Variants in ZNF479 observed in about 807,000 individuals in gnomAD.
The protein encoded by ZNF479 is zinc finger protein 479.
Under a neutral mutation model 14.7 loss-of-function variants are expected in ZNF479, and 15 were observed. The observed-to-expected ratio is 1.02, with a 90% confidence interval of 0.68 to 1.57. ZNF479 has a LOEUF of 1.57. Ranked by LOEUF, ZNF479 falls within the 40% of genes most tolerant of loss-of-function variation. The pLI, the probability that ZNF479 is intolerant of heterozygous loss-of-function variation, is 0.00. For synonymous variants in ZNF479, 145 were observed against 211.5 expected, an observed-to-expected ratio of 0.69 and a Z score of 2.73; for missense variants, 506 against 615.1, an observed-to-expected ratio of 0.82 and a Z score of 1.88.
chr7:57,138,214 C>T (rs1316124981), intron 1 of ZNF479, among the ~76,000 whole-genome samples: 1 of 152,160 alleles, frequency 6.6e-6, no homozygotes, highest in African/African-American at 2.4e-5. Flanking sequence ...TGAACCCAGC[C>T]AGTAGAAGAC....
At chr7:57,128,608 T>C (rs1786285008) in intron 1 of ZNF479, among the ~76,000 whole-genome samples, 1 of 152,240 alleles carries the variant, frequency 6.6e-6, no homozygotes, top group African/African-American at 2.4e-5. Context: ...ATAAATTTGT[T>C]CTAAGAATTC....
Position 57,119,860 on chromosome 7 carries a change from T to C in ZNF479, c.1555A>G (p.Lys519Glu), listed in dbSNP as rs782465411. 1.2e-6 allele frequency: 2 copies of C among 1,613,244 alleles called. No homozygotes were observed. Among genetic ancestry groups the C allele is most frequent in the South Asian group, 2.2e-5 (2 of 91,054 alleles). ...CCATATTATTCACATTTGTAGGGTT[T>C]CTCTCCAGTGTGAATTATCTTATGT... is the stretch of plus-strand genomic sequence containing the variant. ...AKHKIIHTGE[K>E]PYKCE The change falls in exon 4 of 4, where the codon AAA becomes GAA. Residue 519 changes from lysine (K) to glutamate (E), a missense_variant. By Grantham distance (56) the Lys-to-Glu change is moderately conservative (BLOSUM62 1). This residue lies in a region of ZNF479 where 72 missense variants were observed against 97.6 expected (regional missense o/e 0.74). Transcript: ENST00000319636.
At chr7:57,125,106 A>G (rs1229277730) in intron 3 of ZNF479, among the ~76,000 whole-genome samples, 1 of 152,224 alleles carries the variant, frequency 6.6e-6, no homozygotes, top group Non-Finnish European at 1.5e-5. Flanking sequence ...ATTAAACTAA[A>G]TTTTAATAAA....
chr7:57,135,683 G>C (rs990105393), upstream of ZNF479, among the ~76,000 whole-genome samples: 7 of 152,180 alleles, frequency 4.6e-5, no homozygotes, highest in African/African-American at 1.7e-4. Flanking sequence ...AAAGTGCTGG[G>C]ATTACAGGCA....
intron 1 of ZNF479, among the ~76,000 whole-genome samples, chr7:57,138,592 C>A (rs1223946762): frequency 1.3e-5 from 2 of 152,196 alleles, no homozygotes; most frequent in Non-Finnish European, 2.9e-5. Context: ...CGGACCCAGC[C>A]AGTAGGAGAG....
intron 1 of ZNF479, among the ~76,000 whole-genome samples, chr7:57,139,100 A>T (rs1317691059): frequency 2.0e-5 from 3 of 152,080 alleles, no homozygotes; most frequent in Non-Finnish European, 4.4e-5. Flanking sequence ...GCCATATAAA[A>T]CCCTCAGGTG....
intron 1 of ZNF479, among the ~76,000 whole-genome samples, chr7:57,138,583 G>A (rs62464828): frequency 0.28 from 41,920 of 151,950 alleles, 6,896 homozygotes; most frequent in East Asian, 0.53. Context: ...TCTTATACCC[G>A]GACCCAGCCA....
At chr7:57,132,448 T>C (rs1786477189), upstream of ZNF479, 3 of 1,455,296 alleles carry the variant, frequency 2.1e-6, no homozygotes, top group Non-Finnish European at 2.9e-6. Context: ...ACCCGCAAAA[T>C]TACGGAAGTA....
At chr7:57,129,970 A>C (rs1180404470) in intron 1 of ZNF479, among the ~76,000 whole-genome samples, 1 of 152,176 alleles carries the variant, frequency 6.6e-6, no homozygotes, top group East Asian at 1.9e-4. Flanking sequence ...CCAGAATCTC[A>C]GGGTTAGAGC....
upstream of ZNF479, among the ~76,000 whole-genome samples, chr7:57,134,320 C>G (rs1786550102): frequency 6.6e-6 from 1 of 152,150 alleles, no homozygotes; most frequent in South Asian, 2.1e-4. Flanking sequence ...TGATTGTCCT[C>G]AGGAATCATT....
chr7:57,133,815 G>A (rs1041674853), upstream of ZNF479, among the ~76,000 whole-genome samples: 8 of 151,774 alleles, frequency 5.3e-5, no homozygotes, highest in African/African-American at 9.7e-5. Flanking sequence ...GCAGTGACCC[G>A]AGATCACACC....
At chr7:57,131,759 T>C (rs1786434937) in intron 1 of ZNF479, among the ~76,000 whole-genome samples, 1 of 152,150 alleles carries the variant, frequency 6.6e-6, no homozygotes, top group Non-Finnish European at 1.5e-5. Flanking sequence ...GTTTGCTTCA[T>C]CATGCAACTT....
At position 57,118,641 on chromosome 7, in the gene ZNF479, A is replaced by T. The variant is rs1439488754; in HGVS notation, c.*1199T>A. Among the ~76,000 whole-genome samples the T allele has an allele frequency of 3.9e-5, 6 of 152,170 alleles. No individual in the cohort carries two copies. On this transcript the variant is annotated 3_prime_UTR_variant, in exon 4 of 4. Coordinates refer to ENST00000319636, the MANE Select transcript of ZNF479 (RefSeq NM_001370129.2). ...GACCTTGGTCTCCCAAAGTGCTGGA[A>T]TTATAGGCATGAGCCAACACACCTG...
chr7:57,129,848 G>C (rs1786339541), intron 1 of ZNF479, among the ~76,000 whole-genome samples: 2 of 152,050 alleles, frequency 1.3e-5, no homozygotes, highest in Non-Finnish European at 2.9e-5. Flanking sequence ...CATGTGAAAG[G>C]ATGCAATTAC....
At chr7:57,135,961 ATCTCTCTCTCAATCTC>A (rs1465996335), upstream of ZNF479, among the ~76,000 whole-genome samples, 28 of 108,910 alleles carry the variant, frequency 2.6e-4, no homozygotes, top group African/African-American at 1.1e-3. Flanking sequence ...GCCATAGGCA[ATCTCTCTCTCAATCTC>A]TCTCTCTCTC....
upstream of ZNF479, among the ~76,000 whole-genome samples, chr7:57,135,961 ATCTCTCTCTCAATCTCTCTCTCTC>A (rs1786628986): frequency 9.2e-6 from 1 of 108,824 alleles, no homozygotes; most frequent in African/African-American, 4.2e-5. Flanking sequence ...GCCATAGGCA[ATCTCTCTCTCAATCTCTCTCTCTC>A]TCTCTCTCTC....
chr7:57,122,805 A>G (rs1188615730), intron 3 of ZNF479, among the ~76,000 whole-genome samples: 2 of 152,124 alleles, frequency 1.3e-5, no homozygotes, highest in Non-Finnish European at 2.9e-5. Flanking sequence ...TAATGGTAAA[A>G]TGAGTCCATT....
rs782622845 is a variant in ZNF479 at position 57,120,200 on chromosome 7, T to G, written c.1215A>C (p.Gly405=). The change falls in exon 4 of 4, where the codon GGA becomes GGC. Residue 405 remains glycine (G), a synonymous_variant. Transcript: ENST00000319636. ...ACTCTTCACATTTGTAGGGTCTCTCTCCAGTATGAATTCTCTTGTGGATAG... is the reference window on the plus strand; with the variant it reads ...ACTCTTCACATTTGTAGGGTCTCTCGCCAGTATGAATTCTCTTGTGGATAG... ...ALTIHKRIHT[G]ERPYKCEECG... The G allele has an allele frequency of 6.2e-6, 10 of 1,611,866 alleles. No homozygotes were observed. In the East Asian group the frequency reaches 2.0e-4, roughly 32 times the overall value.
intron 1 of ZNF479, among the ~76,000 whole-genome samples, chr7:57,130,746 G>T (rs768335877): frequency 2.6e-5 from 4 of 152,064 alleles, no homozygotes; most frequent in African/African-American, 4.8e-5. Flanking sequence ...TCCCAATCCC[G>T]CAATTGGGAA....
Sources: gnomAD v4.1 joint callset for allele counts (sites outside exome capture counted in the v4.1 genomes callset) on GRCh38, gnomAD v4.1.1 for gene constraint, gnomAD v4.1.1 regional missense constraint, MANE v1.5 for transcripts, NCBI Gene and HGNC (gene_info 2026-07-23, HGNC 2026-07-21) for gene names.